Variants in SBF2 observed in about 807,000 individuals in gnomAD.
The protein encoded by SBF2 is SET binding factor 2, also known as myotubularin-related protein 13.
In SBF2, 112 loss-of-function variants were observed where a neutral mutation model predicts 225.2. The observed-to-expected ratio is 0.50, with a 90% CI of 0.43 to 0.58. SBF2 has a LOEUF of 0.58. Ranked by LOEUF, SBF2 falls within the 20% of genes least tolerant of loss-of-function variation. The pLI is 0.00. For missense variants in SBF2, 1,996 were observed against 2,206.2 expected (o/e 0.90, Z 1.91); for synonymous variants, 763 against 773.3 (o/e 0.99, Z 0.22).
At chr11:10,064,895 C>T (rs1170803345) in intron 2 of SBF2, among the ~76,000 whole-genome samples, 3 of 152,096 alleles carry the variant, frequency 2.0e-5, no homozygotes, top group Non-Finnish European at 2.9e-5. Context: ...AGGATATAGA[C>T]GATCTGAACA....
intron 2 of SBF2, among the ~76,000 whole-genome samples, chr11:10,117,881 TA>T (rs1953231798): frequency 6.6e-6 from 1 of 152,148 alleles, no homozygotes; most frequent in East Asian, 1.9e-4. Flanking sequence ...GTTTTTTTGT[TA>T]AAACAAAGAA....
At chr11:9,801,717 CAG>C (rs1853500865) in intron 32 of SBF2, among the ~76,000 whole-genome samples, 1 of 152,206 alleles carries the variant, frequency 6.6e-6, no homozygotes, top group African/African-American at 2.4e-5. Context: ...TGTTATAAAA[CAG>C]ATTGGATTAT....
At chr11:10,290,535 G>C (rs1964097131) in intron 1 of SBF2, among the ~76,000 whole-genome samples, 1 of 152,090 alleles carries the variant, frequency 6.6e-6, no homozygotes, top group Non-Finnish European at 1.5e-5. Context: ...GATCCAGACT[G>C]GGGTAGGGGG....
chr11:10,184,797 G>A (rs142788063), intron 2 of SBF2, among the ~76,000 whole-genome samples: 156 of 152,198 alleles, frequency 1.0e-3, no homozygotes, highest in African/African-American at 3.3e-3. Flanking sequence ...CGTGATCTCC[G>A]CTCACTGCAA....
chr11:9,861,729 A>G lies in SBF2; in HGVS notation c.1930-3333T>C, dbSNP rs188886093. On this transcript the variant is annotated intron_variant, in intron 17 of 39. Transcript: ENST00000256190. ...CACTATGTTGCCCAGGCTGGTCTTGAACTCCTGGCCTCAAGCAATCCCCCC... is the reference window on the plus strand; with the variant it reads ...CACTATGTTGCCCAGGCTGGTCTTGGACTCCTGGCCTCAAGCAATCCCCCC... 7.2e-4 allele frequency among the ~76,000 whole-genome samples: 110 copies of G among 151,964 alleles called. 1 individual carries two copies. The highest frequency in any genetic ancestry group is 2.6e-3 in the African/African-American group (106 of 41,464).
chr11:10,167,833 C>A (rs1956034124), intron 2 of SBF2, among the ~76,000 whole-genome samples: 1 of 152,082 alleles, frequency 6.6e-6, no homozygotes, highest in Non-Finnish European at 1.5e-5. Flanking sequence ...GCCTGACCAA[C>A]ATGGTGAAAC....
At chr11:10,247,943 T>C (rs1254512562) in intron 1 of SBF2, among the ~76,000 whole-genome samples, 4 of 152,222 alleles carry the variant, frequency 2.6e-5, no homozygotes, top group Non-Finnish European at 5.9e-5. Context: ...ACACCACCCC[T>C]TCCCAGTTTT....
chr11:10,062,787 T>C (rs1950495668), intron 2 of SBF2, among the ~76,000 whole-genome samples: 1 of 152,188 alleles, frequency 6.6e-6, no homozygotes, highest in South Asian at 2.1e-4. Context: ...CGGTGATTCC[T>C]CAAAGAGCTA....
chr11:10,228,352 C>A (rs1958671828), intron 1 of SBF2, among the ~76,000 whole-genome samples: 1 of 152,148 alleles, frequency 6.6e-6, no homozygotes, highest in Non-Finnish European at 1.5e-5. Context: ...GAACTTCCAA[C>A]ACTATGTTCA....
At chr11:10,070,724 G>T (rs1950830211) in intron 2 of SBF2, among the ~76,000 whole-genome samples, 1 of 152,166 alleles carries the variant, frequency 6.6e-6, no homozygotes, top group Non-Finnish European at 1.5e-5. Context: ...GATGGGGATG[G>T]AATTGAATCT....
intron 2 of SBF2, among the ~76,000 whole-genome samples, chr11:10,163,302 T>A (rs1955830378): frequency 6.6e-6 from 1 of 152,180 alleles, no homozygotes; most frequent in Non-Finnish European, 1.5e-5. Context: ...CAAGATTTAA[T>A]AATTAAAATT....
chr11:10,292,464 G>A (rs1000915117), intron 1 of SBF2, among the ~76,000 whole-genome samples: 4 of 152,050 alleles, frequency 2.6e-5, no homozygotes, highest in Non-Finnish European at 5.9e-5. Flanking sequence ...GGTGGATCAC[G>A]AGATCAGGAG....
At chr11:10,124,004 A>G (rs181050861) in intron 2 of SBF2, among the ~76,000 whole-genome samples, 3 of 152,332 alleles carry the variant, frequency 2.0e-5, no homozygotes, top group Non-Finnish European at 1.5e-5. Flanking sequence ...TAACACTAAT[A>G]GTTAGTTATA....
At chr11:10,168,046 ACCACATTCCAC>A (rs1217778545) in intron 2 of SBF2, among the ~76,000 whole-genome samples, 1 of 152,128 alleles carries the variant, frequency 6.6e-6, no homozygotes, top group African/African-American at 2.4e-5. Flanking sequence ...AAAGTAACAG[ACCACATTCCAC>A]CCATCACTGT....
intron 38 of SBF2, among the ~76,000 whole-genome samples, chr11:9,784,148 G>A (rs1163634310): frequency 2.0e-5 from 3 of 152,146 alleles, no homozygotes; most frequent in African/African-American, 7.2e-5. Flanking sequence ...ACCAGGCCGA[G>A]CTACTTGGGA....
At chr11:9,898,677 A>C (rs1861470936) in intron 16 of SBF2, among the ~76,000 whole-genome samples, 1 of 152,216 alleles carries the variant, frequency 6.6e-6, no homozygotes, top group African/African-American at 2.4e-5. Context: ...CTTTTAAAAA[A>C]AGGATTATAA....
At chr11:10,194,382 T>C (rs949134807) in intron 1 of SBF2, among the ~76,000 whole-genome samples, 1 of 152,218 alleles carries the variant, frequency 6.6e-6, no homozygotes, top group East Asian at 1.9e-4. Context: ...ATAGGTTATA[T>C]GCAAATACTA....
intron 28 of SBF2, 146 bp from the exon 29 acceptor site, chr11:9,817,170 C>T: frequency 1.2e-6 from 1 of 812,004 alleles, no homozygotes; most frequent in Non-Finnish European, 2.1e-6. Context: ...TGGTCATTTG[C>T]TACTTCTGTA....
At position 9,982,682 on chromosome 11, in the gene SBF2, C is replaced by A. The variant is rs867961676; in HGVS notation, c.1395+6815G>T. Among the ~76,000 whole-genome samples the A allele has an allele frequency of 3.3e-5, 5 of 152,270 alleles. No homozygotes were observed. In the South Asian group the frequency reaches 1.0e-3, roughly 32 times the overall value. The stretch of plus-strand genomic sequence containing the variant: ...TCAACTGCAAGAACAAACCAGCAAT[C>A]TGGAGAGGAACCACAGATCCTCGGA... On this transcript the variant is annotated intron_variant, in intron 13 of 39. Coordinates refer to ENST00000256190, the MANE Select transcript of SBF2 (RefSeq NM_030962.4).
Sources: allele counts gnomAD v4.1 joint callset (sites outside exome capture counted in the v4.1 genomes callset), GRCh38; gene constraint gnomAD v4.1.1; transcripts MANE v1.5; gene names NCBI Gene and HGNC (gene_info 2026-07-23, HGNC 2026-07-21).